Variants in GLIS3 observed in about 807,000 individuals in gnomAD.
GLIS3 encodes GLIS family zinc finger 3.
A neutral mutation model predicts 78.6 loss-of-function variants in GLIS3; 53 were observed. The ratio of observed to expected loss-of-function variants is 0.67; its 90% CI spans 0.54 to 0.85. The LOEUF is 0.85. Ranked by LOEUF, GLIS3 falls within the 40% of genes least tolerant of loss-of-function variation. The pLI is 0.00. For synonymous variants in GLIS3, 684 were observed against 509.9 expected (o/e 1.34, Z -4.60); for missense variants, 1,703 against 1,231.1 (o/e 1.38, Z -5.74).
chr9:4,357,272 A>G, the GLIS3 span, among the ~76,000 whole-genome samples: 19 of 152,224 alleles, frequency 1.2e-4, no homozygotes, highest in African/African-American at 3.9e-4. Flanking sequence ...TTGAATCAGT[A>G]GATTGAATAA....
At chr9:4,265,010 C>T (rs1371785392) in intron 2 of GLIS3, among the ~76,000 whole-genome samples, 1 of 143,024 alleles carries the variant, frequency 7.0e-6, no homozygotes, top group Non-Finnish European at 1.5e-5. Context: ...ACTAAAAATA[C>T]AAAAAAAAAA....
intron 6 of GLIS3, among the ~76,000 whole-genome samples, chr9:3,930,909 G>A (rs1825569256): frequency 6.6e-6 from 1 of 152,090 alleles, no homozygotes; most frequent in African/African-American, 2.4e-5. Flanking sequence ...ATAATAGACG[G>A]TGGTTCTGCT....
chr9:4,025,292 G>A (rs1823237895), intron 4 of GLIS3, among the ~76,000 whole-genome samples: 1 of 152,106 alleles, frequency 6.6e-6, no homozygotes, highest in Non-Finnish European at 1.5e-5. Flanking sequence ...ATAAACATGT[G>A]CTGAAATAAA....
chr9:3,921,275 G>A (rs1453208243), intron 6 of GLIS3, among the ~76,000 whole-genome samples: 4 of 152,184 alleles, frequency 2.6e-5, no homozygotes. Flanking sequence ...TATGTTCTGA[G>A]CACCTCCTAC....
chr9:4,208,231 T>G (rs1351218229), intron 2 of GLIS3, among the ~76,000 whole-genome samples: 1 of 152,146 alleles, frequency 6.6e-6, no homozygotes, highest in Non-Finnish European at 1.5e-5. Context: ...CGACAACAAG[T>G]AGACATTCTC....
rs190505227 is a variant in GLIS3 at position 4,270,254 on chromosome 9, T to C, written c.388+15784A>G. Among the ~76,000 whole-genome samples, 279 of 152,360 alleles carry C rather than the reference T, an allele frequency of 1.8e-3. 2 individuals are homozygous for C. The highest frequency in any genetic ancestry group is 3.0e-3 in the Non-Finnish European group (205 of 68,032). ...ATTACTTCCTGCCTTCCTGCTCCTATATTTTGCCTAATTTTCTAGTATATC... is the reference window on the plus strand; with the variant it reads ...ATTACTTCCTGCCTTCCTGCTCCTACATTTTGCCTAATTTTCTAGTATATC... On this transcript the variant is annotated intron_variant, in intron 2 of 10. Coordinates refer to ENST00000381971, the MANE Select transcript of GLIS3 (RefSeq NM_001042413.2).
At chr9:4,262,156 G>T (rs1321059652) in intron 2 of GLIS3, among the ~76,000 whole-genome samples, 3 of 152,102 alleles carry the variant, frequency 2.0e-5, no homozygotes, top group Admixed American at 6.6e-5. Flanking sequence ...GAGCCATAGT[G>T]CAGTGCAAGG....
At chr9:4,387,869 C>A in the GLIS3 span, among the ~76,000 whole-genome samples, 1 of 152,320 alleles carries the variant, frequency 6.6e-6, no homozygotes, top group Middle Eastern at 3.4e-3. Context: ...GCCTTTACAG[C>A]AGAATTTGTT....
At chr9:3,848,968 C>T (rs982297674) in intron 9 of GLIS3, among the ~76,000 whole-genome samples, 5 of 152,224 alleles carry the variant, frequency 3.3e-5, no homozygotes, top group African/African-American at 9.6e-5. Context: ...TCAGGAACCA[C>T]AGGAGCCGTG....
intron 2 of GLIS3, among the ~76,000 whole-genome samples, chr9:4,341,466 G>T (rs1817833850): frequency 6.6e-6 from 1 of 152,154 alleles, no homozygotes; most frequent in Non-Finnish European, 1.5e-5. Context: ...TCACATTCAA[G>T]GTCACTGATC....
At chr9:3,957,280 T>C (rs1241466916) in intron 4 of GLIS3, among the ~76,000 whole-genome samples, 2 of 152,256 alleles carry the variant, frequency 1.3e-5, no homozygotes, top group African/African-American at 4.8e-5. Flanking sequence ...CAGTAATCAA[T>C]GTATTTGGAT....
chr9:4,282,110 A>T (rs995231397), intron 2 of GLIS3, among the ~76,000 whole-genome samples: 4 of 152,190 alleles, frequency 2.6e-5, no homozygotes, highest in African/African-American at 9.7e-5. Context: ...TCTGTGTAGC[A>T]ATTCTTAGGC....
At chr9:4,108,824 GA>G (rs1830978456) in intron 4 of GLIS3, among the ~76,000 whole-genome samples, 1 of 152,122 alleles carries the variant, frequency 6.6e-6, no homozygotes. Flanking sequence ...GCCCTCTCTA[GA>G]ACATTCTGAA....
chr9:4,259,630 C>G (rs1825322371), intron 2 of GLIS3, among the ~76,000 whole-genome samples: 1 of 152,180 alleles, frequency 6.6e-6, no homozygotes, highest in African/African-American at 2.4e-5. Flanking sequence ...TCAGTTTTTG[C>G]TTGCAATGGT....
the GLIS3 span, among the ~76,000 whole-genome samples, chr9:4,381,655 T>A: frequency 2.8e-4 from 43 of 152,334 alleles, no homozygotes; most frequent in African/African-American, 9.9e-4. Flanking sequence ...ACTTCTTGAT[T>A]CATTTTACTT....
chr9:4,046,665 T>C (rs1398027630), intron 4 of GLIS3, among the ~76,000 whole-genome samples: 2 of 152,224 alleles, frequency 1.3e-5, no homozygotes, highest in African/African-American at 4.8e-5. Context: ...TCTTCACTTC[T>C]AGCGTTGCAT....
At chr9:4,013,325 C>G (rs916870338) in intron 4 of GLIS3, among the ~76,000 whole-genome samples, 1 of 152,150 alleles carries the variant, frequency 6.6e-6, no homozygotes, top group African/African-American at 2.4e-5. Context: ...AACTCTCTGT[C>G]TTCCTTGTAT....
At chr9:3,872,273 T>A (rs1821017082) in intron 8 of GLIS3, among the ~76,000 whole-genome samples, 1 of 152,250 alleles carries the variant, frequency 6.6e-6, no homozygotes, top group Non-Finnish European at 1.5e-5. Context: ...TATCTTCTTC[T>A]GAGCTCTCCA....
chr9:3,959,007 C>T (rs1817358061), intron 4 of GLIS3, among the ~76,000 whole-genome samples: 1 of 152,178 alleles, frequency 6.6e-6, no homozygotes, highest in African/African-American at 2.4e-5. Context: ...CTTTACTTGC[C>T]ATATTGCTTT....
Sources: gnomAD v4.1 joint callset for allele counts (sites outside exome capture counted in the v4.1 genomes callset) on GRCh38, gnomAD v4.1.1 for gene constraint, MANE v1.5 for transcripts, NCBI Gene and HGNC (gene_info 2026-07-23, HGNC 2026-07-21) for gene names.